Variants in SNCAIP observed in about 807,000 individuals in gnomAD.
SNCAIP encodes synphilin-1.
Under a neutral mutation model 86.7 loss-of-function variants are expected in SNCAIP, and 43 were observed. That is an observed-to-expected ratio of 0.50 (90% CI 0.39 to 0.64). SNCAIP has a LOEUF of 0.64. SNCAIP is among the 30% of genes least tolerant of loss of function. The probability of loss-of-function intolerance (pLI) is 0.00; values close to 1 mark genes in which losing one functional copy is unlikely to be tolerated. For missense variants in SNCAIP, 981 were observed against 1,103.1 expected (o/e 0.89, Z 1.57); for synonymous variants, 417 against 427.2 (o/e 0.98, Z 0.29).
At chr5:122,338,379 AAGTC>A (rs1756922770) in intron 1 of SNCAIP, among the ~76,000 whole-genome samples, 2 of 152,330 alleles carry the variant, frequency 1.3e-5, no homozygotes, top group Middle Eastern at 3.4e-3. Context: ...TAACAACCAC[AAGTC>A]AGTCAGCTTA....
intron 10 of SNCAIP, among the ~76,000 whole-genome samples, chr5:122,461,220 C>T (rs543771761): frequency 1.3e-5 from 2 of 152,094 alleles, no homozygotes; most frequent in Admixed American, 1.3e-4. Flanking sequence ...TGTTGAGAAG[C>T]CCTATTCTTC....
intron 3 of SNCAIP, among the ~76,000 whole-genome samples, chr5:122,418,988 A>G (rs1317208190): frequency 6.6e-6 from 1 of 152,132 alleles, no homozygotes; most frequent in Non-Finnish European, 1.5e-5. Flanking sequence ...CCCAGATTTC[A>G]GAGGGATTGA....
chr5:122,391,544 C>A (rs1027335099), intron 2 of SNCAIP, among the ~76,000 whole-genome samples: 5 of 152,306 alleles, frequency 3.3e-5, no homozygotes, highest in Admixed American at 3.3e-4. Flanking sequence ...CCACAGCCAG[C>A]ATTTTCTAGA....
In SNCAIP at chr5:122,391,232, T is replaced by C. The variant is rs534617857; in HGVS notation, c.57+41T>C. Reference sequence around the variant, plus strand: ...TACAAGAAATGCTTTCAAGATAATCTGCCTTCAACTTCATAGCCTACTTTC... The same window carrying C: ...TACAAGAAATGCTTTCAAGATAATCCGCCTTCAACTTCATAGCCTACTTTC... On this transcript the variant is annotated intron_variant, in intron 2 of 10. Coordinates refer to ENST00000261368, the MANE Select transcript of SNCAIP (RefSeq NM_005460.4). 228 of 1,358,428 alleles carry C rather than the reference T, an allele frequency of 1.7e-4. 5 individuals carry two copies. The South Asian group carries it at 1.8e-3, about 10-fold the overall frequency. The allele number at this position is 1,358,428 out of a possible 1,614,324, so 84.1% of individuals were successfully genotyped here. A position where few individuals can be genotyped will look rare whatever the true frequency, so the allele number is the denominator to read the frequency against.
intron 10 of SNCAIP, among the ~76,000 whole-genome samples, 178 bp from the exon 11 acceptor site, chr5:122,463,313 C>T (rs1786909794): frequency 6.6e-6 from 1 of 152,108 alleles, no homozygotes; most frequent in South Asian, 2.1e-4. Context: ...CTATTGCTTT[C>T]ATTGTTTAAA....
chr5:122,352,699 C>G (rs925868984), intron 1 of SNCAIP, among the ~76,000 whole-genome samples: 4 of 152,132 alleles, frequency 2.6e-5, no homozygotes, highest in African/African-American at 9.7e-5. Context: ...TGACATGGCT[C>G]TAACCAAACA....
intron 6 of SNCAIP, among the ~76,000 whole-genome samples, chr5:122,433,637 T>C (rs953028236): frequency 1.3e-5 from 2 of 152,176 alleles, no homozygotes; most frequent in African/African-American, 4.8e-5. Context: ...GCCACTGTCT[T>C]TGAAATATTA....
intron 1 of SNCAIP, among the ~76,000 whole-genome samples, chr5:122,383,869 A>G (rs1020327930): frequency 6.6e-6 from 1 of 152,152 alleles, no homozygotes; most frequent in Non-Finnish European, 1.5e-5. Flanking sequence ...TCATAATCCA[A>G]TTTTCTTTAA....
At chr5:122,398,390 A>G (rs1771072738) in intron 2 of SNCAIP, among the ~76,000 whole-genome samples, 1 of 152,178 alleles carries the variant, frequency 6.6e-6, no homozygotes, top group Non-Finnish European at 1.5e-5. Flanking sequence ...AACACAGTTT[A>G]TAATGGAGGG....
At chr5:122,423,979 A>G (rs1776893592) in intron 4 of SNCAIP, among the ~76,000 whole-genome samples, 1 of 152,236 alleles carries the variant, frequency 6.6e-6, no homozygotes, top group Non-Finnish European at 1.5e-5. Flanking sequence ...CATGAATTCA[A>G]CTGAAGACTC....
At chr5:122,443,575 G>C (rs1162290186) in intron 7 of SNCAIP, 2 of 456,798 alleles carry the variant, frequency 4.4e-6, no homozygotes, top group Admixed American at 2.4e-5. Context: ...ACCCAGACTA[G>C]ACTCAAGATT....
chr5:122,402,397 A>T (rs551508362), intron 2 of SNCAIP, among the ~76,000 whole-genome samples: 1 of 152,290 alleles, frequency 6.6e-6, no homozygotes, highest in East Asian at 1.9e-4. Flanking sequence ...CCTCCCTCTG[A>T]GCATGTGGGT....
intron 3 of SNCAIP, among the ~76,000 whole-genome samples, 190 bp from the exon 4 acceptor site, chr5:122,422,678 T>A (rs891529587): frequency 2.0e-5 from 3 of 152,156 alleles, no homozygotes; most frequent in African/African-American, 7.2e-5. Flanking sequence ...TGTTATAACC[T>A]TCTTTGATCA....
At chr5:122,348,642 A>G (rs1318828135) in intron 1 of SNCAIP, among the ~76,000 whole-genome samples, 1 of 152,172 alleles carries the variant, frequency 6.6e-6, no homozygotes, top group Non-Finnish European at 1.5e-5. Context: ...CAAGAAATTG[A>G]TGTTGAAAAA....
intron 1 of SNCAIP, among the ~76,000 whole-genome samples, chr5:122,319,131 C>A (rs1025733383): frequency 9.9e-5 from 15 of 151,760 alleles, no homozygotes; most frequent in Admixed American, 9.2e-4. Context: ...TCTTCCCATT[C>A]ATCTGTTATT....
intron 6 of SNCAIP, among the ~76,000 whole-genome samples, chr5:122,434,106 G>T (rs1778936648): frequency 6.6e-6 from 1 of 152,160 alleles, no homozygotes; most frequent in Non-Finnish European, 1.5e-5. Flanking sequence ...CAAATGATCG[G>T]AAGAATTTGA....
intron 1 of SNCAIP, chr5:122,389,679 A>G (rs996216433): frequency 3.9e-5 from 6 of 152,224 alleles, no homozygotes; most frequent in Non-Finnish European, 7.3e-5. Context: ...TTTCATTGTA[A>G]GCCTTACTGT....
intron 1 of SNCAIP, chr5:122,370,122 G>T (rs941999228): frequency 5.9e-5 from 9 of 151,982 alleles, no homozygotes; most frequent in Admixed American, 5.9e-4. Flanking sequence ...GGATATCCCA[G>T]TTACTCCAAT....
chr5:122,360,196 C>A (rs139387331), intron 1 of SNCAIP, among the ~76,000 whole-genome samples: 2 of 152,112 alleles, frequency 1.3e-5, no homozygotes, highest in African/African-American at 4.8e-5. Flanking sequence ...CTAAACGTTT[C>A]GGAACATGGC....
Sources: gnomAD v4.1 joint callset for allele counts (sites outside exome capture counted in the v4.1 genomes callset) on GRCh38, gnomAD v4.1.1 for gene constraint, MANE v1.5 for transcripts, NCBI Gene and HGNC (gene_info 2026-07-23, HGNC 2026-07-21) for gene names.